The following PITPNM3 variants were observed in gnomAD, a reference collection of about 807,000 sequenced individuals.
The protein encoded by PITPNM3 is membrane-associated phosphatidylinositol transfer protein 3.
A neutral mutation model predicts 102.0 loss-of-function variants in PITPNM3; 26 were observed. The ratio of observed to expected loss-of-function variants is 0.25; its 90% CI spans 0.19 to 0.35. The LOEUF (loss-of-function observed/expected upper bound fraction) is 0.35. PITPNM3 is among the 10% of genes least tolerant of loss of function. The probability of loss-of-function intolerance (pLI) is 1.00; values close to 1 mark genes in which losing one functional copy is unlikely to be tolerated. For missense variants in PITPNM3, 1,083 were observed against 1,346.1 expected (o/e 0.80, Z 3.06); for synonymous variants, 578 against 558.6 (o/e 1.03, Z -0.49).
rs570121838 is a variant in PITPNM3 at position 6,541,468 on chromosome 17, A to G, written c.23-3386T>C. ...AAAGAAATCCATGTGGCTGGGGCCA[A>G]TGATTGAAGGGGGACAGGAATAGGG... On this transcript the variant is annotated intron_variant, in intron 1 of 19. Coordinates refer to ENST00000262483, the MANE Select transcript of PITPNM3 (RefSeq NM_031220.4). 8.8e-4 allele frequency among the ~76,000 whole-genome samples: 134 copies of G among 152,244 alleles called. 1 individual carries two copies. The highest frequency in any genetic ancestry group is 1.5e-3 in the Non-Finnish European group (105 of 68,012).
At chr17:6,481,999 T>A (rs1905736522) in intron 6 of PITPNM3, among the ~76,000 whole-genome samples, 1 of 70,496 alleles carries the variant, frequency 1.4e-5, no homozygotes, top group Non-Finnish European at 2.5e-5. Context: ...TCTCTCTCTC[T>A]CTCTCTCTCT....
intron 4 of PITPNM3, among the ~76,000 whole-genome samples, chr17:6,497,888 T>C (rs1055859094): frequency 3.3e-5 from 5 of 152,202 alleles, no homozygotes; most frequent in Non-Finnish European, 7.3e-5. Flanking sequence ...CAACTCGCAC[T>C]TTCCCAGCCT....
chr17:6,465,421 G>A (rs867014277), intron 14 of PITPNM3, among the ~76,000 whole-genome samples: 9 of 152,314 alleles, frequency 5.9e-5, no homozygotes, highest in East Asian at 5.8e-4. Context: ...CCAGATCCCC[G>A]GGCTGGAAAC....
In PITPNM3 at chr17:6,455,494, C is replaced by G; in HGVS notation, c.2769G>C (p.Leu923=). The G allele has an allele frequency of 6.2e-7, 1 of 1,606,064 alleles. No homozygotes were observed. The highest frequency in any genetic ancestry group is 8.5e-7 in the Non-Finnish European group (1 of 1,179,634). The change falls in exon 20 of 20, where the codon CTG becomes CTC. Residue 923 remains leucine, a synonymous_variant. Coordinates refer to ENST00000262483, the MANE Select transcript of PITPNM3 (RefSeq NM_031220.4). ...GCTGCTGCACTGACATGGTTCTGCG[C>G]AGGTGGTTGCGCTTCCGCAGGAACT... ...QPEFLRKRNH[L]RRTMSVQQPD... is the part of the protein sequence containing the mutation.
At chr17:6,483,777 CAG>C (rs747991434) in intron 5 of PITPNM3, 25 bp from the exon 6 acceptor site, 70 of 1,604,498 alleles carry the variant, frequency 4.4e-5, no homozygotes, top group Non-Finnish European at 5.3e-5. Flanking sequence ...GGTTGGAATA[CAG>C]AGAGAGAGGC....
chr17:6,483,772 GAA>G lies in PITPNM3; in HGVS notation c.352-22_352-21del. Reference sequence around the variant, plus strand: ...GCCTTCCTGAGAGCCAAGGCGGTTGGAATACAGAGAGAGAGGCGGCTGGGGTC... The same window carrying G: ...GCCTTCCTGAGAGCCAAGGCGGTTGGTACAGAGAGAGAGGCGGCTGGGGTC... On this transcript the variant is annotated intron_variant, in intron 5 of 19. Coordinates refer to ENST00000262483, the MANE Select transcript of PITPNM3 (RefSeq NM_031220.4). The G allele has an allele frequency of 6.2e-7, 1 of 1,606,374 alleles. No individual in the cohort carries two copies. The highest frequency in any genetic ancestry group is 8.5e-7 in the Non-Finnish European group (1 of 1,178,490).
intron 1 of PITPNM3, among the ~76,000 whole-genome samples, chr17:6,541,429 T>C (rs1909726660): frequency 6.6e-6 from 1 of 151,902 alleles, no homozygotes; most frequent in Admixed American, 6.6e-5. Context: ...GAGCTTGGTG[T>C]GTCCAAGGGG....
In PITPNM3 at chr17:6,472,529, G is replaced by T; in HGVS notation, c.1429+128C>A. 1 of 1,294,504 alleles carries T rather than the reference G, an allele frequency of 7.7e-7. No individual in the cohort carries two copies. The highest frequency in any genetic ancestry group is 1.1e-6 in the Non-Finnish European group (1 of 928,048). 80.2% of individuals were successfully genotyped at this position (1,294,504 alleles called of 1,614,324 possible). A position where few individuals can be genotyped will look rare whatever the true frequency, so the allele number is the denominator to read the frequency against. ...GGGCGACTCTGAAGACAGAGGAGTCGGCTAACCTTCTGTTCTCACAGCCCC... is the reference window on the plus strand; with the variant it reads ...GGGCGACTCTGAAGACAGAGGAGTCTGCTAACCTTCTGTTCTCACAGCCCC... On this transcript the variant is annotated intron_variant, in intron 11 of 19. Transcript: ENST00000262483. This position sits in a 1 kb window ranked among gnomAD's most constrained non-coding sequence, Gnocchi z 4.1.
Position 6,459,220 on chromosome 17 carries a change from G to A in PITPNM3, c.2491-1498C>T, listed in dbSNP as rs944032881. ...GCTACTTTTGCCCCCTTGTCCTTCC[G>A]AACTGTCTTTTCCTCACAAGGTCAT... On this transcript the variant is annotated intron_variant, in intron 18 of 19. Coordinates refer to ENST00000262483, the MANE Select transcript of PITPNM3 (RefSeq NM_031220.4). This position sits in a 1 kb window ranked among gnomAD's most constrained non-coding sequence, Gnocchi z 5.0. Among the ~76,000 whole-genome samples, 13 of 152,050 alleles carry A rather than the reference G, an allele frequency of 8.5e-5. No individual in the cohort carries two copies. Among genetic ancestry groups the A allele is most frequent in the African/African-American group, 2.9e-4 (12 of 41,382 alleles).
chr17:6,509,597 A>T (rs1907747504), intron 3 of PITPNM3, among the ~76,000 whole-genome samples: 1 of 151,994 alleles, frequency 6.6e-6, no homozygotes, highest in South Asian at 2.1e-4. Flanking sequence ...CTGGCTGAGG[A>T]GCGAAGACCT....
chr17:6,474,290 C>A, intron 10 of PITPNM3, 142 bp downstream of exon 10: 1 of 1,200,478 alleles, frequency 8.3e-7, no homozygotes, highest in Non-Finnish European at 1.2e-6. Flanking sequence ...CTTCCCCACC[C>A]TCTCTCCTCT....
intron 2 of PITPNM3, among the ~76,000 whole-genome samples, chr17:6,535,646 C>T (rs544858674): frequency 2.4e-4 from 37 of 152,094 alleles, no homozygotes; most frequent in African/African-American, 7.2e-4. Flanking sequence ...TGGCCGGGTG[C>T]GGTGGCTCAC....
intron 14 of PITPNM3, among the ~76,000 whole-genome samples, chr17:6,465,310 T>C (rs2150719404): frequency 6.6e-6 from 1 of 152,292 alleles, no homozygotes; most frequent in East Asian, 1.9e-4. Context: ...ACTCCCAAAG[T>C]GCTGGGATTA....
Position 6,477,251 on chromosome 17 carries a change from G to A in PITPNM3, c.901-38C>T, listed in dbSNP as rs748037781. The A allele has an allele frequency of 3.7e-6, 6 of 1,600,164 alleles. No individual in the cohort carries two copies. In the African/African-American group the frequency reaches 6.7e-5, roughly 18 times the overall value. On this transcript the variant is annotated intron_variant, in intron 8 of 19. Transcript: ENST00000262483. ...ACAGGGGACAGGAGAGAAAAAGACT[G>A]TTGTCACGGGAGACTCTGGGGCCTT...
chr17:6,492,682 C>A (rs1317314143), intron 4 of PITPNM3, among the ~76,000 whole-genome samples: 1 of 151,864 alleles, frequency 6.6e-6, no homozygotes, highest in Non-Finnish European at 1.5e-5. Context: ...CATGGTGAAA[C>A]CCCGTCTCTA....
At position 6,478,697 on chromosome 17, in the gene PITPNM3, G is replaced by A. The variant is rs1182545198; in HGVS notation, c.627C>T (p.Ser209=). 6.2e-7 allele frequency: 1 copy of A among 1,602,166 alleles called. No homozygotes were observed. Among genetic ancestry groups the A allele is most frequent in the Non-Finnish European group, 8.5e-7 (1 of 1,174,384 alleles). ...CGGCCAGAGGGACGTGGTCCTGGCT[G>A]CTGCTGAGGCAGCCCTCATCGTGGC... is the stretch of plus-strand genomic sequence containing the variant. ...PYSHDEGCLS[S]SQDHVPLAAL... Residue 209 remains serine, a synonymous_variant, in exon 7 of 20, where the codon AGC becomes AGT. Coordinates refer to ENST00000262483, the MANE Select transcript of PITPNM3 (RefSeq NM_031220.4). This position sits in a 1 kb window ranked among gnomAD's most constrained non-coding sequence, Gnocchi z 4.4.
At chr17:6,502,412 T>C (rs1398842175) in intron 4 of PITPNM3, among the ~76,000 whole-genome samples, 1 of 151,908 alleles carries the variant, frequency 6.6e-6, no homozygotes, top group Non-Finnish European at 1.5e-5. Context: ...GCCGAGATCG[T>C]GCCATTGCGC....
chr17:6,531,373 C>A (rs1361688348), intron 2 of PITPNM3, among the ~76,000 whole-genome samples: 1 of 152,220 alleles, frequency 6.6e-6, no homozygotes, highest in Non-Finnish European at 1.5e-5. Flanking sequence ...TTTCATTTTT[C>A]TCTCTAGAAC....
At chr17:6,497,113 G>A (rs558442298) in intron 4 of PITPNM3, among the ~76,000 whole-genome samples, 136 of 152,316 alleles carry the variant, frequency 8.9e-4, no homozygotes, top group Non-Finnish European at 1.3e-3. Flanking sequence ...CCTGTCTGCA[G>A]CTGTGCTCAG....
Sources: allele counts gnomAD v4.1 joint callset (sites outside exome capture counted in the v4.1 genomes callset), GRCh38; gene constraint gnomAD v4.1.1; non-coding constraint Gnocchi (gnomAD v3.1); transcripts MANE v1.5; gene names NCBI Gene and HGNC (gene_info 2026-07-23, HGNC 2026-07-21).